The following SCN3A variants were observed in gnomAD, a reference collection of about 807,000 sequenced individuals.
SCN3A encodes the protein sodium voltage-gated channel alpha subunit 3.
A neutral mutation model predicts 187.6 loss-of-function variants in SCN3A; 60 were observed. That is an observed-to-expected ratio of 0.32 (90% confidence interval 0.26 to 0.40). SCN3A has a LOEUF of 0.40. SCN3A is among the 10% of genes least tolerant of loss of function. The probability of loss-of-function intolerance (pLI) is 1.00; values close to 1 mark genes in which losing one functional copy is unlikely to be tolerated. For synonymous variants in SCN3A, 788 were observed against 829.2 expected (o/e 0.95, Z 0.85); for missense variants, 1,601 against 2,428.2 (o/e 0.66, Z 7.16).
intron 5 of SCN3A, among the ~76,000 whole-genome samples, chr2:165,166,240 C>T (rs1689748084): frequency 6.6e-6 from 1 of 152,108 alleles, no homozygotes; most frequent in African/African-American, 2.4e-5. Flanking sequence ...GGGAAGTGTT[C>T]ATGGCTGTCC....
intron 1 of SCN3A, among the ~76,000 whole-genome samples, chr2:165,193,024 A>G (rs1051068555): frequency 6.6e-6 from 1 of 152,118 alleles, no homozygotes; most frequent in Admixed American, 6.6e-5. Context: ...AAAATATATC[A>G]TTAATAAAAT....
chr2:165,144,919 G>C (rs1289057750), intron 12 of SCN3A, among the ~76,000 whole-genome samples: 1 of 152,042 alleles, frequency 6.6e-6, no homozygotes, highest in Non-Finnish European at 1.5e-5. Context: ...AAATTTATTT[G>C]AGCAAAATGA....
In SCN3A at chr2:165,135,361, A is replaced by T. The variant is rs77635129; in HGVS notation, c.2391+2518T>A. ...TGTAATTTTTATGTACTGCAGAAACAGAATGCAAAATGGGGCATATTGATC... is the reference window on the plus strand; with the variant it reads ...TGTAATTTTTATGTACTGCAGAAACTGAATGCAAAATGGGGCATATTGATC... On this transcript the variant is annotated intron_variant, in intron 15 of 27. Transcript: ENST00000283254. Among the ~76,000 whole-genome samples the T allele has an allele frequency of 7.3e-3, 1,111 of 152,252 alleles. 7 individuals are homozygous for T. Among genetic ancestry groups the T allele is most frequent in the Middle Eastern group, 0.017 (5 of 294 alleles).
intron 2 of SCN3A, among the ~76,000 whole-genome samples, chr2:165,178,252 G>T (rs1415383273): frequency 6.6e-6 from 1 of 151,558 alleles, no homozygotes; most frequent in Non-Finnish European, 1.5e-5. Context: ...TTTGAGACAG[G>T]GTCTCACTCT....
chr2:165,152,064 A>G (rs1196604107), intron 11 of SCN3A, among the ~76,000 whole-genome samples: 1 of 152,206 alleles, frequency 6.6e-6, no homozygotes, highest in Non-Finnish European at 1.5e-5. Flanking sequence ...CTATGTCCCG[A>G]AACAAAGATC....
intron 3 of SCN3A, 98 bp from the exon 4 acceptor site, chr2:165,170,646 G>C: frequency 1.3e-6 from 1 of 760,456 alleles, no homozygotes; most frequent in Middle Eastern, 3.0e-4. Flanking sequence ...GAATTTGTTT[G>C]TTCAAACTTG....
At chr2:165,149,700 C>G (rs1381318177) in intron 11 of SCN3A, among the ~76,000 whole-genome samples, 3 of 152,162 alleles carry the variant, frequency 2.0e-5, no homozygotes, top group Non-Finnish European at 4.4e-5. Flanking sequence ...CCTGTTTATA[C>G]CCAACTCTGT....
intron 1 of SCN3A, among the ~76,000 whole-genome samples, chr2:165,197,556 ATGTT>A (rs1692042459): frequency 6.8e-6 from 1 of 146,730 alleles, no homozygotes; most frequent in Non-Finnish European, 1.5e-5. Flanking sequence ...TTCTTTCAGT[ATGTT>A]TGCATATCTC....
chr2:165,165,942 G>T (rs1689729546), intron 5 of SCN3A, among the ~76,000 whole-genome samples: 1 of 152,172 alleles, frequency 6.6e-6, no homozygotes, highest in South Asian at 2.1e-4. Flanking sequence ...ATTAGGAAGA[G>T]ATATATTTTA....
intron 2 of SCN3A, among the ~76,000 whole-genome samples, chr2:165,180,521 G>C (rs1331842943): frequency 6.6e-6 from 1 of 152,064 alleles, no homozygotes; most frequent in African/African-American, 2.4e-5. Flanking sequence ...TATGGTGGTA[G>C]TGGTTGGGAA....
chr2:165,111,429 G>GAGA (rs911783920), intron 21 of SCN3A, among the ~76,000 whole-genome samples: 12 of 152,014 alleles, frequency 7.9e-5, no homozygotes, highest in African/African-American at 2.4e-4. Context: ...ATCTTTGACA[G>GAGA]AGAAGGTGGA....
chr2:165,157,161 C>T (rs148245796), intron 9 of SCN3A, among the ~76,000 whole-genome samples: 4,625 of 152,172 alleles, frequency 0.03, 103 homozygotes, highest in Middle Eastern at 0.078. Context: ...CCGCCTGCCT[C>T]GGCCTCCCAA....
chr2:165,158,533 TA>T (rs1186910904), intron 9 of SCN3A, among the ~76,000 whole-genome samples: 3 of 134,566 alleles, frequency 2.2e-5, no homozygotes, highest in African/African-American at 6.1e-5. Context: ...GTTCTCACCC[TA>T]AAAAAAAATC....
intron 11 of SCN3A, among the ~76,000 whole-genome samples, chr2:165,150,103 G>C (rs1688607299): frequency 6.6e-6 from 1 of 152,080 alleles, no homozygotes; most frequent in African/African-American, 2.4e-5. Context: ...TACTAAGCTG[G>C]GCAACATTAG....
intron 12 of SCN3A, among the ~76,000 whole-genome samples, chr2:165,142,476 A>G (rs1688067635): frequency 6.6e-6 from 1 of 152,166 alleles, no homozygotes; most frequent in African/African-American, 2.4e-5. Context: ...ATTTGGTTAG[A>G]TTCTCCACAG....
At chr2:165,155,386 C>A (rs1023890414) in intron 10 of SCN3A, among the ~76,000 whole-genome samples, 1 of 151,906 alleles carries the variant, frequency 6.6e-6, no homozygotes, top group Non-Finnish European at 1.5e-5. Context: ...CTTTCCTTTT[C>A]CCATTCCCTT....
At position 165,129,969 on chromosome 2, in the gene SCN3A, T is replaced by C; in HGVS notation, c.2893A>G (p.Met965Val). 1 of 1,614,094 alleles carries C rather than the reference T, an allele frequency of 6.2e-7. No homozygotes were observed. The highest frequency in any genetic ancestry group is 8.5e-7 in the Non-Finnish European group (1 of 1,180,002). Reference sequence around the variant, plus strand: ...AGGTTTCCAATGACCATGACCAACATGAAAACAATAAGGCACATGGTTTGG... The same window carrying C: ...AGGTTTCCAATGACCATGACCAACACGAAAACAATAAGGCACATGGTTTGG... Reference protein sequence around the residue: ...AGQTMCLIVFMLVMVIGNLVV... With the variant: ...AGQTMCLIVFVLVMVIGNLVV... Residue 965 changes from methionine (M) to valine (V), a missense_variant, in exon 17 of 28, where the codon ATG (methionine) becomes GTG (valine). Physicochemically the swap from Met to Val is conservative, Grantham distance 21. This residue lies in a region of SCN3A where 91 missense variants were observed against 207.0 expected (regional missense o/e 0.44). Coordinates refer to ENST00000283254, the MANE Select transcript of SCN3A (RefSeq NM_006922.4).
At position 165,139,520 on chromosome 2, in the gene SCN3A, T is replaced by C. The variant is rs1206384329; in HGVS notation, c.2108A>G (p.Gln703Arg). 1.9e-6 allele frequency: 3 copies of C among 1,613,910 alleles called. No individual in the cohort carries two copies. In the East Asian group the frequency reaches 6.7e-5, roughly 36 times the overall value. ...MEMLEDSSGR[Q>R]RAVSIASILT... ...AATGCTGGCTATGCTCACGGCTCTT[T>C]GCCTTCCAGAGGAATCCTCCAGCAT... Residue 703 changes from glutamine to arginine, a missense_variant, in exon 14 of 28, where the codon CAA (glutamine) becomes CGA (arginine). Gln to Arg is a conservative substitution (Grantham distance 43, BLOSUM62 1). This residue lies in a region of SCN3A where 376 missense variants were observed against 476.0 expected (regional missense o/e 0.79). Transcript: ENST00000283254.
rs1227652692 is a variant in SCN3A, at chr2:165,203,948, G to T, written c.-373C>A. On this transcript the variant is annotated 5_prime_UTR_variant, in exon 1 of 28. Transcript: ENST00000283254. Reference sequence around the variant, plus strand: ...TTTTTTTTTTTTTTTGACCACAGAGGTTTACAAATTAGTTACAATTTTTTT... The same window carrying T: ...TTTTTTTTTTTTTTTGACCACAGAGTTTTACAAATTAGTTACAATTTTTTT... The T allele has an allele frequency of 5.1e-5, 7 of 137,780 alleles. No homozygotes were observed. Among genetic ancestry groups the T allele is most frequent in the African/African-American group, 1.1e-4 (4 of 37,116 alleles). The allele number at this position is 137,780 out of a possible 1,614,324, so 8.5% of individuals were successfully genotyped here.
Sources: allele counts gnomAD v4.1 joint callset (sites outside exome capture counted in the v4.1 genomes callset), GRCh38; gene constraint gnomAD v4.1.1; regional missense constraint gnomAD v4.1.1; transcripts MANE v1.5; gene names NCBI Gene and HGNC (gene_info 2026-07-23, HGNC 2026-07-21).